Variants in TRPM3 observed in about 807,000 individuals in gnomAD.
The protein encoded by TRPM3 is transient receptor potential cation channel subfamily M member 3.
Under a neutral mutation model 181.2 loss-of-function variants are expected in TRPM3, and 77 were observed. That is an observed-to-expected ratio of 0.42 (90% CI 0.35 to 0.51). TRPM3 has a LOEUF of 0.51. TRPM3 is among the 20% of genes least tolerant of loss of function. The pLI is 0.01. For synonymous variants in TRPM3, 745 were observed against 796.4 expected (o/e 0.94, Z 1.09); for missense variants, 1,759 against 2,196.7 (o/e 0.80, Z 3.98).
In TRPM3 at chr9:70,946,906, T is replaced by C. The variant is rs2096939726; in HGVS notation, c.178-82395A>G. Among the ~76,000 whole-genome samples, 4 of 152,334 alleles carry C rather than the reference T, an allele frequency of 2.6e-5. No homozygotes were observed. The South Asian group carries it at 8.3e-4, about 32-fold the overall frequency. ...GAAATTCATTTATGTTGCTGTATGG[T>C]ATACAGTGCTATACAGCATCCACCT... On this transcript the variant is annotated intron_variant, in intron 1 of 25. Coordinates refer to ENST00000677713, the MANE Select transcript of TRPM3 (RefSeq NM_001366145.2).
In TRPM3 at chr9:71,121,576, G is replaced by A. The variant is rs1363975694; in HGVS notation, c.-222C>T. The A allele has an allele frequency of 3.0e-6, 4 of 1,330,522 alleles. No individual in the cohort carries two copies. In the East Asian group the frequency reaches 8.7e-5, roughly 29 times the overall value. The allele number at this position is 1,330,522 out of a possible 1,614,324, so 82.4% of individuals were successfully genotyped here. ...CGATTTTGAAGAAGAGGGACAGCCT[G>A]CACAAAACAGCCTGTGGTCGGAGTC... On this transcript the variant is annotated 5_prime_UTR_variant, in exon 1 of 26. Transcript: ENST00000677713.
intron 1 of TRPM3, among the ~76,000 whole-genome samples, chr9:70,885,905 T>C (rs2096074609): frequency 6.6e-6 from 1 of 152,220 alleles, no homozygotes; most frequent in African/African-American, 2.4e-5. Flanking sequence ...CAGCACAAAT[T>C]GCCCTTAATA....
chr9:70,634,981 A>T (rs540909201), intron 12 of TRPM3, among the ~76,000 whole-genome samples: 3 of 152,250 alleles, frequency 2.0e-5, no homozygotes, highest in Admixed American at 2.0e-4. Context: ...TATGTCCACC[A>T]AAAGCATCTA....
In TRPM3 at chr9:71,182,157, C is replaced by A. The variant is rs188130169; in HGVS notation, c.183+264496G>T. On this transcript the variant is annotated intron_variant, in intron 1 of 24. Transcript: ENST00000357533. ...CACTTTATGTGCTAAATATATGATG[C>A]ATTTTTTTTCTCAAACATGTATTTG... Among the ~76,000 whole-genome samples, 450 of 152,154 alleles carry A rather than the reference C, an allele frequency of 3.0e-3. 3 individuals carry two copies. Among genetic ancestry groups the A allele is most frequent in the African/African-American group, 0.01 (430 of 41,530 alleles).
chr9:70,606,637 G>GT (rs1427264757), intron 19 of TRPM3, among the ~76,000 whole-genome samples: 1 of 61,212 alleles, frequency 1.6e-5, no homozygotes, highest in Non-Finnish European at 4.4e-5. Flanking sequence ...AATTGTGTGT[G>GT]TGTGTGTGTG....
chr9:71,229,663 C>T (rs1288747936), intron 1 of TRPM3, among the ~76,000 whole-genome samples: 1 of 152,132 alleles, frequency 6.6e-6, no homozygotes, highest in Non-Finnish European at 1.5e-5. Context: ...AGACAAATGA[C>T]AAATAGGTAT....
intron 1 of TRPM3, among the ~76,000 whole-genome samples, chr9:71,203,475 T>G (rs2078928257): frequency 6.6e-6 from 1 of 152,212 alleles, no homozygotes; most frequent in African/African-American, 2.4e-5. Flanking sequence ...TTTGCTCACT[T>G]GTTTGTTTAG....
chr9:70,921,889 G>A (rs912683472), intron 1 of TRPM3, among the ~76,000 whole-genome samples: 2 of 147,852 alleles, frequency 1.4e-5, no homozygotes, highest in Admixed American at 6.8e-5. Context: ...ATTTCCCAAC[G>A]GAGCTTTAAG....
At chr9:71,336,381 A>T (rs1588552094) in intron 1 of TRPM3, among the ~76,000 whole-genome samples, 1 of 152,294 alleles carries the variant, frequency 6.6e-6, no homozygotes, top group South Asian at 2.1e-4. Flanking sequence ...AATACCTAGG[A>T]ATCCAACTTA....
chr9:70,787,301 G>A (rs1302628124), intron 6 of TRPM3, among the ~76,000 whole-genome samples: 2 of 151,982 alleles, frequency 1.3e-5, no homozygotes, highest in African/African-American at 2.4e-5. Context: ...AAAATTGAAC[G>A]GAGCAAACTG....
intron 1 of TRPM3, among the ~76,000 whole-genome samples, chr9:71,197,262 G>A (rs1420380302): frequency 6.6e-6 from 1 of 152,122 alleles, no homozygotes; most frequent in Non-Finnish European, 1.5e-5. Flanking sequence ...TCTTAATCCA[G>A]TCTATCATTG....
chr9:70,770,691 A>G (rs1362620983), intron 7 of TRPM3, among the ~76,000 whole-genome samples: 1 of 152,182 alleles, frequency 6.6e-6, no homozygotes, highest in Non-Finnish European at 1.5e-5. Flanking sequence ...CTCATCTGTT[A>G]AATAAGGGTA....
chr9:71,330,467 C>T (rs1282226959), intron 1 of TRPM3, among the ~76,000 whole-genome samples: 1 of 144,768 alleles, frequency 6.9e-6, no homozygotes, highest in Non-Finnish European at 1.5e-5. Context: ...TTATTGAATG[C>T]CAGCTACTTA....
At chr9:71,341,969 G>C (rs971753364) in intron 1 of TRPM3, among the ~76,000 whole-genome samples, 1 of 151,682 alleles carries the variant, frequency 6.6e-6, no homozygotes, top group Non-Finnish European at 1.5e-5. Flanking sequence ...AAAAATTGAG[G>C]CAGAGAGGAT....
At chr9:71,160,662 AT>A (rs1168972737) in intron 1 of TRPM3, among the ~76,000 whole-genome samples, 2 of 152,168 alleles carry the variant, frequency 1.3e-5, no homozygotes, top group African/African-American at 2.4e-5. Context: ...GCCTTCCTAG[AT>A]TCCACTGGGT....
intron 1 of TRPM3, among the ~76,000 whole-genome samples, chr9:70,982,045 G>A (rs865795317): frequency 2.0e-5 from 3 of 152,104 alleles, no homozygotes; most frequent in South Asian, 4.1e-4. Context: ...CTGGGCCTAT[G>A]TCATCACCTA....
chr9:70,998,150 TATATAC>T (rs987137350), intron 1 of TRPM3, among the ~76,000 whole-genome samples: 67 of 27,676 alleles, frequency 2.4e-3, no homozygotes, highest in African/African-American at 7.7e-3. Flanking sequence ...TACACATATA[TATATAC>T]ATATATACAT....
At chr9:71,119,892 C>G (rs535313130) in intron 1 of TRPM3, among the ~76,000 whole-genome samples, 1 of 152,288 alleles carries the variant, frequency 6.6e-6, no homozygotes, top group South Asian at 2.1e-4. Context: ...CCAAACCTGC[C>G]TTTCCTCCTA....
chr9:71,343,885 G>A (rs1025673835), intron 1 of TRPM3, among the ~76,000 whole-genome samples: 5 of 151,992 alleles, frequency 3.3e-5, no homozygotes, highest in Admixed American at 6.6e-5. Context: ...GAATGATGGA[G>A]GTATTTCAAA....
Sources: gnomAD v4.1 joint callset for allele counts (sites outside exome capture counted in the v4.1 genomes callset) on GRCh38, gnomAD v4.1.1 for gene constraint, MANE v1.5 for transcripts, NCBI Gene and HGNC (gene_info 2026-07-23, HGNC 2026-07-21) for gene names.